The following LARGE1 variants were observed in gnomAD, a reference collection of about 807,000 sequenced individuals.
LARGE1 encodes xylosyl- and glucuronyltransferase LARGE1.
In LARGE1, 43 loss-of-function variants were observed where a neutral mutation model predicts 87.6. The observed-to-expected ratio is 0.49, with a 90% CI of 0.38 to 0.63. The LOEUF (loss-of-function observed/expected upper bound fraction) is 0.63. Among genes scored for constraint, LARGE1 ranks in the 30% least tolerant of loss-of-function variants. LARGE1 has a pLI of 0.00. For missense variants in LARGE1, 802 were observed against 1,000.2 expected, an observed-to-expected ratio of 0.80 and a Z score of 2.67; for synonymous variants, 434 against 394.6, an observed-to-expected ratio of 1.10 and a Z score of -1.18.
intron 11 of LARGE1, among the ~76,000 whole-genome samples, chr22:33,234,372 G>A (rs1019894795): frequency 2.0e-5 from 3 of 152,170 alleles, no homozygotes; most frequent in African/African-American, 4.8e-5. Flanking sequence ...TGGAAGGAAG[G>A]AACAATCCTA....
chr22:33,680,238 C>T (rs2081718116), intron 2 of LARGE1, among the ~76,000 whole-genome samples: 1 of 152,196 alleles, frequency 6.6e-6, no homozygotes, highest in South Asian at 2.1e-4. Context: ...AGGGAAAACA[C>T]ATTCAGAAAC....
chr22:33,444,780 T>C (rs2067620483), intron 6 of LARGE1, among the ~76,000 whole-genome samples: 1 of 152,182 alleles, frequency 6.6e-6, no homozygotes, highest in South Asian at 2.1e-4. Flanking sequence ...AATCAGAGTC[T>C]AGCAACAAGC....
chr22:33,859,169 T>C (rs1349306025), intron 1 of LARGE1, among the ~76,000 whole-genome samples: 3 of 152,008 alleles, frequency 2.0e-5, no homozygotes, highest in Non-Finnish European at 4.4e-5. Context: ...TGCACATGTA[T>C]CCCAGAACTT....
chr22:33,399,497 A>G (rs1372999922), intron 7 of LARGE1, among the ~76,000 whole-genome samples: 1 of 152,164 alleles, frequency 6.6e-6, no homozygotes, highest in East Asian at 1.9e-4. Context: ...TTGGGTATAT[A>G]CCCAGTAATG....
intron 1 of LARGE1, among the ~76,000 whole-genome samples, chr22:33,828,550 T>G (rs2062866118): frequency 6.6e-6 from 1 of 152,244 alleles, no homozygotes. Context: ...CCACAGGCTC[T>G]TCTTTGAAGC....
the LARGE1 span, among the ~76,000 whole-genome samples, chr22:33,153,474 A>G: frequency 6.6e-6 from 1 of 152,208 alleles, no homozygotes; most frequent in Admixed American, 6.5e-5. Context: ...ATTTGTTTGG[A>G]CAGTAGTTAA....
At chr22:33,067,647 A>G in the LARGE1 span, among the ~76,000 whole-genome samples, 1 of 152,174 alleles carries the variant, frequency 6.6e-6, no homozygotes, top group Non-Finnish European at 1.5e-5. Flanking sequence ...CCAGATCCAC[A>G]TCCACATTCT....
chr22:33,250,322 T>C (rs1926955592), intron 11 of LARGE1, among the ~76,000 whole-genome samples: 1 of 152,234 alleles, frequency 6.6e-6, no homozygotes, highest in South Asian at 2.1e-4. Context: ...ATCCCACTTG[T>C]TCATTGCTGA....
At chr22:33,332,793 TGCCCCAGCTCCAGCCCCA>T (rs1428853983) in intron 10 of LARGE1, among the ~76,000 whole-genome samples, 1 of 152,132 alleles carries the variant, frequency 6.6e-6, no homozygotes. Context: ...ACTCTCTCTT[TGCCCCAGCTCCAGCCCCA>T]GCCCCAGCCC....
the LARGE1 span, among the ~76,000 whole-genome samples, chr22:33,138,644 A>G: frequency 1.5e-4 from 23 of 151,960 alleles, no homozygotes; most frequent in African/African-American, 4.6e-4. Context: ...GGGTTTCACC[A>G]TGTTGGCCAG....
intron 1 of LARGE1, among the ~76,000 whole-genome samples, chr22:33,913,710 A>ATT (rs570488449): frequency 8.9e-5 from 13 of 146,798 alleles, no homozygotes; most frequent in African/African-American, 3.2e-4. Flanking sequence ...TGCCCAGCTA[A>ATT]TTTTTTTTTT....
chr22:33,565,247 T>C (rs886368323), intron 5 of LARGE1, among the ~76,000 whole-genome samples: 1 of 152,208 alleles, frequency 6.6e-6, no homozygotes, highest in South Asian at 2.1e-4. Flanking sequence ...AAAGTAATAG[T>C]TATGAAATAA....
In LARGE1 at chr22:33,274,256, C is replaced by A. The variant is rs1928703396; in HGVS notation, c.*171G>T. On this transcript the variant is annotated 3_prime_UTR_variant, in exon 15 of 15. Coordinates refer to ENST00000397394, the MANE Select transcript of LARGE1 (RefSeq NM_133642.5). ...GGGTTGTGGGGCAGAGAGGGACTGG[C>A]TGGATCCTTGTCCAAGGTCTCTGTA... 1 of 701,520 alleles carries A rather than the reference C, an allele frequency of 1.4e-6. No individual in the cohort carries two copies. Among genetic ancestry groups the A allele is most frequent in the South Asian group, 1.7e-5 (1 of 60,540 alleles). The allele number at this position is 701,520 out of a possible 1,614,324, so 43.5% of individuals were successfully genotyped here. A position where few individuals can be genotyped will look rare whatever the true frequency, so the allele number is the denominator to read the frequency against.
the LARGE1 span, among the ~76,000 whole-genome samples, chr22:33,102,422 C>T: frequency 3.9e-5 from 6 of 152,074 alleles, no homozygotes; most frequent in African/African-American, 7.2e-5. Context: ...CTGCTCACCT[C>T]GGCCTCCTAA....
At chr22:33,588,510 CGT>C (rs10528247) in intron 5 of LARGE1, among the ~76,000 whole-genome samples, 15,743 of 150,418 alleles carry the variant, frequency 0.1, 1,488 homozygotes, top group African/African-American at 0.25. Flanking sequence ...TATATGTGTG[CGT>C]GTGTGTGTGT....
intron 1 of LARGE1, among the ~76,000 whole-genome samples, chr22:33,785,247 A>G (rs541591963): frequency 1.1e-4 from 16 of 151,676 alleles, no homozygotes; most frequent in African/African-American, 3.9e-4. Context: ...ACATATGTGT[A>G]TATATGCATG....
At chr22:33,745,466 C>T (rs1276257316) in intron 2 of LARGE1, among the ~76,000 whole-genome samples, 12 of 152,032 alleles carry the variant, frequency 7.9e-5, no homozygotes, top group Non-Finnish European at 1.3e-4. Flanking sequence ...AGAACCAGTG[C>T]GTGTGTGTGC....
chr22:33,526,939 G>A (rs1335356735), intron 6 of LARGE1, among the ~76,000 whole-genome samples: 4 of 152,210 alleles, frequency 2.6e-5, no homozygotes, highest in Non-Finnish European at 5.9e-5. Context: ...GACAGCACCT[G>A]CGTTACCACG....
intron 6 of LARGE1, among the ~76,000 whole-genome samples, chr22:33,531,774 A>C (rs1008538899): frequency 6.6e-6 from 1 of 152,216 alleles, no homozygotes; most frequent in Non-Finnish European, 1.5e-5. Context: ...CAGTACAACC[A>C]ATCAGCCTCA....
Sources: gnomAD v4.1 joint callset for allele counts (sites outside exome capture counted in the v4.1 genomes callset) on GRCh38, gnomAD v4.1.1 for gene constraint, MANE v1.5 for transcripts, NCBI Gene and HGNC (gene_info 2026-07-23, HGNC 2026-07-21) for gene names.